Variants in DCAF8 observed in about 807,000 individuals in gnomAD.
The protein encoded by DCAF8 is DDB1- and CUL4-associated factor 8.
DCAF8 carries 20 observed loss-of-function variants against 68.0 expected under a neutral mutation model. The observed-to-expected ratio is 0.29, with a 90% confidence interval of 0.21 to 0.43. The LOEUF is 0.43. Ranked by LOEUF, DCAF8 falls within the 20% of genes least tolerant of loss-of-function variation. The pLI is 1.00. For missense variants in DCAF8, 460 were observed against 771.0 expected, an observed-to-expected ratio of 0.60 and a Z score of 4.78; for synonymous variants, 230 against 276.9, an observed-to-expected ratio of 0.83 and a Z score of 1.68.
chr1:160,219,758 C>T (rs1420069797), intron 11 of DCAF8: 7 of 152,000 alleles, frequency 4.6e-5, no homozygotes, highest in African/African-American at 1.7e-4. Flanking sequence ...GTCCGAAAGG[C>T]ACCCAATGCC....
At chr1:160,237,074 A>G (rs1401360685) in intron 6 of DCAF8, 61 bp downstream of exon 6, 9 of 1,222,908 alleles carry the variant, frequency 7.4e-6, no homozygotes, top group Non-Finnish European at 1.0e-5. Flanking sequence ...TTACCAAGAC[A>G]TATGGAATAT....
chr1:160,243,829 TC>T, intron 3 of DCAF8, 130 bp downstream of exon 3: 6 of 827,514 alleles, frequency 7.3e-6, no homozygotes, highest in South Asian at 6.6e-5. Flanking sequence ...CTGTGTAGTT[TC>T]CTAAACTCAG....
At chr1:160,238,917 TAAAGG>T (rs1655985546) in intron 4 of DCAF8, 170 bp from the exon 5 acceptor site, 1 of 825,340 alleles carries the variant, frequency 1.2e-6, no homozygotes, top group Non-Finnish European at 1.8e-6. Context: ...TTCCAGGAGT[TAAAGG>T]AAAGGGAGAG....
chr1:160,225,001 C>A, intron 9 of DCAF8, 61 bp downstream of exon 9: 1 of 1,551,936 alleles, frequency 6.4e-7, no homozygotes, highest in South Asian at 1.1e-5. Context: ...GCCTCACTGG[C>A]TCAGCAGCTC....
chr1:160,225,154 C>G, intron 8 of DCAF8, 35 bp from the exon 9 acceptor site: 1 of 1,584,550 alleles, frequency 6.3e-7, no homozygotes, highest in Non-Finnish European at 8.7e-7. Flanking sequence ...TGATGCCCCA[C>G]CCCCCCATTT....
At chr1:160,231,696 A>C (rs1013277404) in intron 6 of DCAF8, among the ~76,000 whole-genome samples, 12 of 152,226 alleles carry the variant, frequency 7.9e-5, no homozygotes, top group African/African-American at 2.9e-4. Context: ...ACCATTCTTT[A>C]GGAAGCCTCA....
intron 11 of DCAF8, 124 bp downstream of exon 11, chr1:160,222,527 T>C: frequency 7.4e-7 from 1 of 1,346,618 alleles, no homozygotes; most frequent in Non-Finnish European, 1.0e-6. Flanking sequence ...TAGTCTTTTA[T>C]GGCTGGCTGG....
rs1013500432 is a variant in DCAF8 at position 160,223,879 on chromosome 1, C to G, written c.1309+563G>C. ...AAGGCTGCAGTGAGCCATAATTGCA[C>G]CATTGCACTCCAGCCTGGACAACAG... On this transcript the variant is annotated intron_variant, in intron 10 of 13. Coordinates refer to ENST00000368074, the MANE Select transcript of DCAF8 (RefSeq NM_015726.4). Among the ~76,000 whole-genome samples the G allele has an allele frequency of 1.1e-4, 17 of 152,166 alleles. 2 individuals carry two copies. Among genetic ancestry groups the G allele is most frequent in the Admixed American group, 8.5e-4 (13 of 15,284 alleles).
intron 10 of DCAF8, among the ~76,000 whole-genome samples, chr1:160,223,402 G>A (rs1272877606): frequency 6.6e-6 from 1 of 151,916 alleles, no homozygotes; most frequent in East Asian, 1.9e-4. Context: ...TACCAGCTCA[G>A]GAAAAAAAAT....
chr1:160,218,442 T>C lies in DCAF8; in HGVS notation c.1561-2A>G. 1.2e-6 allele frequency: 2 copies of C among 1,613,304 alleles called. No homozygotes were observed. Among genetic ancestry groups the C allele is most frequent in the Non-Finnish European group, 8.5e-7 (1 of 1,179,264 alleles). ...CTCCCGCTTGTTCTTCTTAATCACC[T>C]GGAACCCAAAAAGGTTGGGAAGAGG... On this transcript the variant is annotated splice_acceptor_variant, in intron 12 of 13. Transcript: ENST00000368074. LOFTEE classifies it high-confidence loss of function.
At chr1:160,232,953 T>A (rs1171151573) in intron 6 of DCAF8, among the ~76,000 whole-genome samples, 1 of 151,974 alleles carries the variant, frequency 6.6e-6, no homozygotes, top group Admixed American at 6.5e-5. Context: ...TGAGGAATAT[T>A]CTTCTCAGAT....
At chr1:160,261,574 T>A (rs1311675113) in intron 1 of DCAF8, 1 of 152,142 alleles carries the variant, frequency 6.6e-6, no homozygotes, top group African/African-American at 2.4e-5. Flanking sequence ...ATCTCCCAGC[T>A]CCACTAAAAC....
intron 11 of DCAF8, chr1:160,221,242 C>G (rs529473305): frequency 6.6e-6 from 1 of 152,378 alleles, no homozygotes; most frequent in African/African-American, 2.4e-5. Flanking sequence ...TAGCTTATGT[C>G]AAGAAAAAAT....
chr1:160,256,154 A>G (rs970725482), intron 2 of DCAF8, among the ~76,000 whole-genome samples: 12 of 151,808 alleles, frequency 7.9e-5, no homozygotes, highest in African/African-American at 2.9e-4. Context: ...CACCTGGCTA[A>G]GAGAACTTTC....
intron 7 of DCAF8, among the ~76,000 whole-genome samples, chr1:160,228,798 T>C (rs1361148174): frequency 2.6e-5 from 4 of 152,216 alleles, no homozygotes; most frequent in African/African-American, 9.6e-5. Context: ...GATGTTATGA[T>C]ATATAATATT....
intron 11 of DCAF8, chr1:160,220,581 G>GC (rs896314433): frequency 2.6e-5 from 4 of 152,230 alleles, no homozygotes; most frequent in African/African-American, 9.7e-5. Flanking sequence ...AGAGAAAAGA[G>GC]CTCTGGCCTT....
At chr1:160,225,738 G>C in intron 7 of DCAF8, 75 bp from the exon 8 acceptor site, 1 of 1,181,196 alleles carries the variant, frequency 8.5e-7, no homozygotes, top group East Asian at 2.4e-5. Flanking sequence ...TGATGTAGTG[G>C]CAGGAAACTG....
chr1:160,225,032 C>T (rs756104089), intron 9 of DCAF8, 30 bp downstream of exon 9: 9 of 1,612,344 alleles, frequency 5.6e-6, no homozygotes, highest in Non-Finnish European at 5.1e-6. Context: ...GGGGGCATGC[C>T]AGCCTAGGAG....
intron 2 of DCAF8, among the ~76,000 whole-genome samples, chr1:160,248,868 A>G (rs565262494): frequency 6.6e-6 from 1 of 151,716 alleles, no homozygotes; most frequent in South Asian, 2.1e-4. Context: ...ACTGCACTCC[A>G]GTCTACGCAA....
Sources: allele counts gnomAD v4.1 joint callset (sites outside exome capture counted in the v4.1 genomes callset), GRCh38; gene constraint gnomAD v4.1.1; transcripts MANE v1.5; gene names NCBI Gene and HGNC (gene_info 2026-07-23, HGNC 2026-07-21).